The following NKAIN2 variants were observed in gnomAD, a reference collection of about 807,000 sequenced individuals.
NKAIN2 encodes sodium/potassium transporting ATPase interacting 2.
In NKAIN2, 14 loss-of-function variants were observed where a neutral mutation model predicts 32.6. The ratio of observed to expected loss-of-function variants is 0.43; its 90% CI spans 0.28 to 0.67. The LOEUF (loss-of-function observed/expected upper bound fraction) is 0.67, where lower values mean the gene tolerates loss of function less well. Ranked by LOEUF, NKAIN2 falls within the 30% of genes least tolerant of loss-of-function variation. NKAIN2 has a pLI of 0.17. For missense variants in NKAIN2, 198 were observed against 258.3 expected (o/e 0.77, Z 1.60); for synonymous variants, 80 against 87.2 (o/e 0.92, Z 0.46).
chr6:124,566,990 C>T (rs1051143195), intron 3 of NKAIN2, among the ~76,000 whole-genome samples: 5 of 152,178 alleles, frequency 3.3e-5, no homozygotes, highest in Non-Finnish European at 5.9e-5. Context: ...GTTCTGGCTT[C>T]GATGTAAACC....
chr6:124,315,013 A>G (rs1295340873), intron 2 of NKAIN2, among the ~76,000 whole-genome samples: 1 of 152,164 alleles, frequency 6.6e-6, no homozygotes, highest in South Asian at 2.1e-4. Flanking sequence ...TTGTTAATAT[A>G]CTAATTATGT....
chr6:124,071,336 G>T (rs557338901), intron 1 of NKAIN2, among the ~76,000 whole-genome samples: 2 of 152,246 alleles, frequency 1.3e-5, no homozygotes, highest in African/African-American at 4.8e-5. Flanking sequence ...ATGGATTAAA[G>T]ATTTAAATGT....
chr6:123,971,321 T>G (rs985128805), intron 1 of NKAIN2, among the ~76,000 whole-genome samples: 1 of 151,592 alleles, frequency 6.6e-6, no homozygotes, highest in Non-Finnish European at 1.5e-5. Flanking sequence ...TTGCTATGAG[T>G]AATTTAAATT....
chr6:124,806,126 G>A (rs1278371512), intron 5 of NKAIN2, among the ~76,000 whole-genome samples: 1 of 152,024 alleles, frequency 6.6e-6, no homozygotes, highest in Non-Finnish European at 1.5e-5. Flanking sequence ...TCAGATTCAG[G>A]AAATACAGAG....
chr6:124,632,105 T>C (rs140699950), intron 3 of NKAIN2, among the ~76,000 whole-genome samples: 19 of 152,314 alleles, frequency 1.2e-4, no homozygotes, highest in Admixed American at 2.0e-4. Flanking sequence ...TTGGTGATAA[T>C]GACATACGTT....
intron 1 of NKAIN2, among the ~76,000 whole-genome samples, chr6:123,879,430 A>G (rs1324561360): frequency 6.6e-6 from 1 of 152,216 alleles, no homozygotes; most frequent in Middle Eastern, 3.2e-3. Context: ...GCTATAACAA[A>G]GAAATCTGGA....
chr6:124,219,366 C>T (rs954578838), intron 1 of NKAIN2, among the ~76,000 whole-genome samples: 2 of 151,334 alleles, frequency 1.3e-5, no homozygotes, highest in African/African-American at 4.9e-5. Flanking sequence ...CAACCTCCGC[C>T]TCCTGGGTTT....
intron 3 of NKAIN2, among the ~76,000 whole-genome samples, chr6:124,590,690 A>ACCTAAGTGACTGCCAG (rs1471343899): frequency 1.2e-4 from 19 of 152,244 alleles, no homozygotes; most frequent in African/African-American, 4.3e-4. Flanking sequence ...ACTGTCAGTC[A>ACCTAAGTGACTGCCAG]TGAAGAGAAC....
intron 3 of NKAIN2, among the ~76,000 whole-genome samples, chr6:124,373,532 G>C (rs1002595848): frequency 2.6e-5 from 4 of 152,110 alleles, no homozygotes; most frequent in African/African-American, 9.7e-5. Flanking sequence ...GCACATGAAA[G>C]AATGAGATTT....
intron 3 of NKAIN2, among the ~76,000 whole-genome samples, chr6:124,542,966 A>C (rs1779963719): frequency 6.6e-6 from 1 of 152,202 alleles, no homozygotes; most frequent in African/African-American, 2.4e-5. Context: ...ATTTCTAAAT[A>C]CAATACTACT....
intron 3 of NKAIN2, among the ~76,000 whole-genome samples, chr6:124,493,439 A>G (rs1274607028): frequency 6.6e-6 from 1 of 152,048 alleles, no homozygotes; most frequent in Non-Finnish European, 1.5e-5. Flanking sequence ...AGATTTTATC[A>G]TGAACATCCA....
At chr6:124,230,847 T>C (rs533797989) in intron 1 of NKAIN2, among the ~76,000 whole-genome samples, 1 of 152,238 alleles carries the variant, frequency 6.6e-6, no homozygotes, top group South Asian at 2.1e-4. Context: ...TCTAGGGCAG[T>C]GTAGAAGGGA....
At chr6:124,196,359 T>G (rs1374836776) in intron 1 of NKAIN2, among the ~76,000 whole-genome samples, 1 of 152,068 alleles carries the variant, frequency 6.6e-6, no homozygotes, top group Non-Finnish European at 1.5e-5. Flanking sequence ...TCACAATAAC[T>G]CTACAGACAA....
At chr6:124,056,394 A>C (rs1344381330) in intron 1 of NKAIN2, among the ~76,000 whole-genome samples, 1 of 151,824 alleles carries the variant, frequency 6.6e-6, no homozygotes, top group Non-Finnish European at 1.5e-5. Context: ...TATTCTTGTC[A>C]CAAAAAAAAC....
chr6:124,043,991 T>G (rs1411311498), intron 1 of NKAIN2, among the ~76,000 whole-genome samples: 1 of 152,042 alleles, frequency 6.6e-6, no homozygotes, highest in Admixed American at 6.6e-5. Flanking sequence ...TGTAGACAAG[T>G]ATTCCAGACC....
chr6:123,850,909 C>G lies in NKAIN2; in HGVS notation c.54+46655C>G, dbSNP rs538854388. Among the ~76,000 whole-genome samples, 56 of 152,204 alleles carry G rather than the reference C, an allele frequency of 3.7e-4. No individual in the cohort carries two copies. The South Asian group carries it at 0.011, about 30-fold the overall frequency. On this transcript the variant is annotated intron_variant, in intron 1 of 6. Transcript: ENST00000368417. ...CTACTCTCTATTTCTATTAGTTCAA[C>G]TTTTTAGATTCCATATATAAGTGAG...
chr6:124,471,897 G>A (rs944950267), intron 3 of NKAIN2, among the ~76,000 whole-genome samples: 4 of 152,086 alleles, frequency 2.6e-5, no homozygotes, highest in African/African-American at 9.7e-5. Flanking sequence ...ACATTTTTGA[G>A]AATTTTTAAT....
chr6:124,510,092 G>A (rs1778652420), intron 3 of NKAIN2, among the ~76,000 whole-genome samples: 1 of 151,656 alleles, frequency 6.6e-6, no homozygotes, highest in Admixed American at 6.6e-5. Flanking sequence ...TGGGAACAAT[G>A]TCCTCACAGG....
chr6:124,390,199 C>G (rs1001848287), intron 3 of NKAIN2, among the ~76,000 whole-genome samples: 5 of 152,078 alleles, frequency 3.3e-5, no homozygotes, highest in Non-Finnish European at 7.4e-5. Context: ...TGAGGAGTTA[C>G]TTTTCATTAG....
Sources: allele counts gnomAD v4.1 joint callset (sites outside exome capture counted in the v4.1 genomes callset), GRCh38; gene constraint gnomAD v4.1.1; transcripts MANE v1.5; gene names NCBI Gene and HGNC (gene_info 2026-07-23, HGNC 2026-07-21).